NOL10: variants seen among roughly 807,000 people sequenced by gnomAD.
NOL10 encodes H_NH0074G24.1.
A neutral mutation model predicts 103.5 loss-of-function variants in NOL10; 58 were observed. That is an observed-to-expected ratio of 0.56 (90% CI 0.45 to 0.70). The LOEUF (loss-of-function observed/expected upper bound fraction) is 0.70. Among genes scored for constraint, NOL10 ranks in the 30% least tolerant of loss-of-function variants. The pLI is 0.00. For missense variants in NOL10, 763 were observed against 807.3 expected, an observed-to-expected ratio of 0.95 and a Z score of 0.67; for synonymous variants, 287 against 282.5, an observed-to-expected ratio of 1.02 and a Z score of -0.16.
chr2:10,603,577 A>T (rs1676096935), intron 14 of NOL10, among the ~76,000 whole-genome samples: 1 of 152,194 alleles, frequency 6.6e-6, no homozygotes. Context: ...GACACTCACA[A>T]AAACAACGTA....
chr2:10,572,969 C>A (rs921524221), intron 20 of NOL10, among the ~76,000 whole-genome samples: 1 of 151,934 alleles, frequency 6.6e-6, no homozygotes, highest in Non-Finnish European at 1.5e-5. Flanking sequence ...CTTAGAAGAG[C>A]ATCAGTGCAG....
chr2:10,681,214 C>G (rs1332575417), intron 3 of NOL10, among the ~76,000 whole-genome samples: 2 of 151,954 alleles, frequency 1.3e-5, no homozygotes, highest in Non-Finnish European at 2.9e-5. Context: ...AACAGCCTAG[C>G]TGTTCATCAC....
intron 13 of NOL10, among the ~76,000 whole-genome samples, chr2:10,617,289 G>A (rs1188525849): frequency 2.0e-5 from 3 of 152,196 alleles, no homozygotes; most frequent in Non-Finnish European, 4.4e-5. Flanking sequence ...AGTGTGGCTT[G>A]AATAGAGAGA....
At chr2:10,637,661 T>G (rs7594816) in intron 13 of NOL10, among the ~76,000 whole-genome samples, 28,367 of 152,182 alleles carry the variant, frequency 0.19, 3,331 homozygotes, top group East Asian at 0.43. Context: ...TTTCCTTTGG[T>G]TTGCGTGCCT....
At chr2:10,573,688 A>T (rs1457941769) in intron 20 of NOL10, among the ~76,000 whole-genome samples, 3 of 148,844 alleles carry the variant, frequency 2.0e-5, no homozygotes, top group Non-Finnish European at 3.0e-5. Context: ...CATTTCTCCC[A>T]TTCTAATAAG....
In NOL10 at chr2:10,571,320, T is replaced by C. The variant is rs13028945; in HGVS notation, c.*751A>G. 0.25 allele frequency: 37,685 copies of C among 152,480 alleles called. 6,508 individuals are homozygous for C. The highest frequency in any genetic ancestry group is 0.45 in the African/African-American group (18,682 of 41,432). The allele number at this position is 152,480 out of a possible 1,614,324, so 9.4% of individuals were successfully genotyped here. On this transcript the variant is annotated 3_prime_UTR_variant, in exon 21 of 21. Transcript: ENST00000381685. ...ACATACCTGCTTCCGCTTCACCTTC[T>C]GCCACGATTGTAAGCTTCCCAGGGC...
chr2:10,641,116 T>C (rs995184459), intron 13 of NOL10, among the ~76,000 whole-genome samples: 1 of 148,512 alleles, frequency 6.7e-6, no homozygotes, highest in Non-Finnish European at 1.5e-5. Context: ...AGGTCAGGAG[T>C]TTGAGATCAG....
chr2:10,588,304 T>C (rs1675223184), intron 19 of NOL10, among the ~76,000 whole-genome samples: 1 of 152,218 alleles, frequency 6.6e-6, no homozygotes, highest in Admixed American at 6.5e-5. Flanking sequence ...ATTCACACTG[T>C]TGTACAACCA....
chr2:10,595,776 T>C (rs569185871), intron 17 of NOL10, among the ~76,000 whole-genome samples: 2 of 151,980 alleles, frequency 1.3e-5, no homozygotes, highest in African/African-American at 4.8e-5. Flanking sequence ...AACTAGTTTT[T>C]CTATTTTTAG....
In NOL10 at chr2:10,668,664, T is replaced by A; in HGVS notation, c.524A>T (p.Asp175Val). Reference protein sequence around the residue: ...QGRYLNPLQTDAAENNVCDIN... With the variant: ...QGRYLNPLQTVAAENNVCDIN... ...AATTACTAAAACTACTCACGCAGCA[T>A]CAGTTTGTAGAGGATTCAGGTATCG... Residue 175 changes from aspartate to valine, a missense_variant, in exon 7 of 21, where the codon GAT becomes GTT. Transcript: ENST00000381685. The A allele has an allele frequency of 6.6e-7, 1 of 1,519,840 alleles. No homozygotes were observed. Among genetic ancestry groups the A allele is most frequent in the African/African-American group, 1.4e-5 (1 of 73,508 alleles). 94.1% of individuals were successfully genotyped at this position (1,519,840 alleles called of 1,614,324 possible). A position where few individuals can be genotyped will look rare whatever the true frequency, so the allele number is the denominator to read the frequency against.
At chr2:10,686,772 T>C (rs548309763) in intron 1 of NOL10, among the ~76,000 whole-genome samples, 1 of 152,104 alleles carries the variant, frequency 6.6e-6, no homozygotes, top group African/African-American at 2.4e-5. Flanking sequence ...CCTCCAGTGT[T>C]TTTGGCATCA....
chr2:10,600,165 A>T (rs976995153), intron 17 of NOL10, among the ~76,000 whole-genome samples: 3 of 152,202 alleles, frequency 2.0e-5, no homozygotes, highest in Non-Finnish European at 2.9e-5. Flanking sequence ...GCCTCATCTA[A>T]GCAGAGAAAA....
chr2:10,655,935 A>C (rs760708208), intron 11 of NOL10, among the ~76,000 whole-genome samples: 18 of 152,336 alleles, frequency 1.2e-4, no homozygotes, highest in South Asian at 4.1e-4. Context: ...TGTTCTTCTC[A>C]AGTTCCCACT....
At chr2:10,665,861 C>T (rs191637187) in intron 8 of NOL10, among the ~76,000 whole-genome samples, 1 of 152,322 alleles carries the variant, frequency 6.6e-6, no homozygotes, top group East Asian at 1.9e-4. Flanking sequence ...TGTCCCATTT[C>T]AAATATTAAT....
At position 10,602,799 on chromosome 2, in the gene NOL10, G is replaced by A. The variant is rs368376128; in HGVS notation, c.1309C>T (p.Arg437Cys). The A allele has an allele frequency of 4.2e-5, 67 of 1,603,060 alleles. No individual in the cohort carries two copies. The highest frequency in any genetic ancestry group is 5.4e-5 in the Non-Finnish European group (63 of 1,171,388). The change falls in exon 16 of 21, where the codon CGT becomes TGT. Residue 437 changes from arginine to cysteine, a missense_variant. Arg to Cys is a radical substitution (Grantham distance 180). Coordinates refer to ENST00000381685, the MANE Select transcript of NOL10 (RefSeq NM_024894.4). ...ACCTTTAACTGGACTCTCTGTGCAC[G>A]TGTTTCTTCTATTTTCTGTCGTATT... ...DKIRQKIEET[R>C]AQRVQLKKLP... is the part of the protein sequence containing the mutation.
At chr2:10,593,355 TC>T (rs1675497940) in intron 17 of NOL10, among the ~76,000 whole-genome samples, 1 of 152,134 alleles carries the variant, frequency 6.6e-6, no homozygotes, top group Non-Finnish European at 1.5e-5. Flanking sequence ...GTCAGGCTGG[TC>T]TCAAACTTCT....
intron 12 of NOL10, among the ~76,000 whole-genome samples, chr2:10,652,923 C>T (rs1325717623): frequency 2.0e-5 from 3 of 152,162 alleles, no homozygotes. Context: ...TGGCCAGGCG[C>T]GGCGGCTCAC....
chr2:10,647,424 A>T lies in NOL10; in HGVS notation c.974-3052T>A, dbSNP rs141208295. 2.9e-3 allele frequency among the ~76,000 whole-genome samples: 449 copies of T among 152,366 alleles called. 4 individuals are homozygous for T. Among genetic ancestry groups the T allele is most frequent in the Non-Finnish European group, 9.6e-4 (65 of 68,036 alleles). On this transcript the variant is annotated intron_variant, in intron 12 of 20. Transcript: ENST00000381685. ...GAAAAGAAGCATTTAGAAACCTGCA[A>T]TTCAACACTGCAGTGACAACCAAAT...
intron 13 of NOL10, among the ~76,000 whole-genome samples, chr2:10,637,792 T>G (rs528853289): frequency 1.3e-5 from 2 of 152,356 alleles, no homozygotes; most frequent in East Asian, 3.9e-4. Context: ...AGTGCGATTC[T>G]GAACAGACGC....
Sources: gnomAD v4.1 joint callset for allele counts (sites outside exome capture counted in the v4.1 genomes callset) on GRCh38, gnomAD v4.1.1 for gene constraint, MANE v1.5 for transcripts, NCBI Gene and HGNC (gene_info 2026-07-23, HGNC 2026-07-21) for gene names.